The following USH2A variants were observed in gnomAD, a reference collection of about 807,000 sequenced individuals.
USH2A encodes the protein Usher syndrome 2A (autosomal recessive, mild).
USH2A carries 443 observed loss-of-function variants against 538.9 expected under a neutral mutation model. The observed-to-expected ratio is 0.82, with a 90% confidence interval of 0.76 to 0.89. The LOEUF (loss-of-function observed/expected upper bound fraction) is 0.89, where lower values mean the gene tolerates loss of function less well. Among genes scored for constraint, USH2A ranks in the 40% least tolerant of loss-of-function variants. The pLI is 0.00. For missense variants in USH2A, 6,633 were observed against 6,324.8 expected (o/e 1.05, Z -1.65); for synonymous variants, 2,413 against 2,273.5 (o/e 1.06, Z -1.75).
At chr1:216,395,809 ACAGGAAAGC>A (rs2039202294) in intron 3 of USH2A, among the ~76,000 whole-genome samples, 4 of 152,238 alleles carry the variant, frequency 2.6e-5, no homozygotes, top group Admixed American at 2.6e-4. Flanking sequence ...CCTACAATGC[ACAGGAAAGC>A]CAGGCACAAC....
chr1:216,083,405 A>G (rs1283801091), intron 26 of USH2A, 51 bp downstream of exon 26: 7 of 1,576,930 alleles, frequency 4.4e-6, no homozygotes, highest in Non-Finnish European at 6.1e-6. Flanking sequence ...TATTTATTTT[A>G]AAGTTGGGTC....
At position 215,625,144 on chromosome 1, in the gene USH2A, T is replaced by C. The variant is rs1655970105; in HGVS notation, c.*637A>G. On this transcript the variant is annotated 3_prime_UTR_variant, in exon 72 of 72. Coordinates refer to ENST00000307340, the MANE Select transcript of USH2A (RefSeq NM_206933.4). ...AACAGAGACATTTATGTGTAAGTTA[T>C]GTGTTGCCTTGTCAAAAAGTTTGGT... 1 of 152,918 alleles carries C rather than the reference T, an allele frequency of 6.5e-6. No homozygotes were observed. Among genetic ancestry groups the C allele is most frequent in the Non-Finnish European group, 1.5e-5 (1 of 68,542 alleles). The allele number at this position is 152,918 out of a possible 1,614,324, so 9.5% of individuals were successfully genotyped here. A position where few individuals can be genotyped will look rare whatever the true frequency, so the allele number is the denominator to read the frequency against.
At chr1:216,040,544 A>G (rs2030230220) in intron 32 of USH2A, among the ~76,000 whole-genome samples, 1 of 152,018 alleles carries the variant, frequency 6.6e-6, no homozygotes, top group Admixed American at 6.6e-5. Context: ...AAAAACGGCC[A>G]GTTTCTGGTA....
chr1:215,984,692 G>A (rs13374778), intron 35 of USH2A, among the ~76,000 whole-genome samples: 9,099 of 152,220 alleles, frequency 0.06, 906 homozygotes, highest in African/African-American at 0.21. Context: ...CTCTATTTAC[G>A]CTGAAGAATT....
At chr1:215,967,739 G>T (rs1401295156) in intron 36 of USH2A, among the ~76,000 whole-genome samples, 2 of 129,682 alleles carry the variant, frequency 1.5e-5, no homozygotes, top group East Asian at 4.1e-4. Context: ...ACACTTATTT[G>T]CTTCTTTGCA....
chr1:216,408,639 T>C (rs986323615), intron 3 of USH2A, among the ~76,000 whole-genome samples: 7 of 152,186 alleles, frequency 4.6e-5, no homozygotes, highest in East Asian at 1.9e-4. Flanking sequence ...ATTTGTTAAG[T>C]TGAGAGTGTT....
intron 30 of USH2A, among the ~76,000 whole-genome samples, chr1:216,057,983 G>A (rs374656047): frequency 3.9e-5 from 6 of 152,124 alleles, no homozygotes; most frequent in African/African-American, 1.2e-4. Flanking sequence ...TTCTGGCCAC[G>A]CAAGATAACC....
rs576117027 is a variant in USH2A, at chr1:216,119,087, A to T, written c.4628-21874T>A. 3.3e-5 allele frequency among the ~76,000 whole-genome samples: 5 copies of T among 152,368 alleles called. No individual in the cohort carries two copies. The East Asian group carries it at 9.6e-4, about 29-fold the overall frequency. On this transcript the variant is annotated intron_variant, in intron 21 of 71. Coordinates refer to ENST00000307340, the MANE Select transcript of USH2A (RefSeq NM_206933.4). ...AAAAATCACTAAGCTATTACATGGC[A>T]AACACATTCTGTTCCATTTTATTTA...
chr1:216,095,525 C>T (rs1353396977), intron 22 of USH2A, among the ~76,000 whole-genome samples: 1 of 152,092 alleles, frequency 6.6e-6, no homozygotes, highest in East Asian at 1.9e-4. Context: ...GATGCTATTT[C>T]CTTTTGCTTA....
chr1:215,695,040 T>C (rs1405494314), intron 61 of USH2A, among the ~76,000 whole-genome samples: 1 of 152,218 alleles, frequency 6.6e-6, no homozygotes, highest in Non-Finnish European at 1.5e-5. Flanking sequence ...GCAGCAGAGA[T>C]TATTATAATT....
intron 11 of USH2A, among the ~76,000 whole-genome samples, chr1:216,266,730 C>A (rs2036480018): frequency 6.6e-6 from 1 of 151,610 alleles, no homozygotes; most frequent in South Asian, 2.1e-4. Context: ...TGTATGTGTA[C>A]CATATATATG....
At chr1:215,682,073 A>C (rs866653416) in intron 61 of USH2A, among the ~76,000 whole-genome samples, 8 of 152,222 alleles carry the variant, frequency 5.3e-5, no homozygotes, top group African/African-American at 1.2e-4. Context: ...ATTAAATCTG[A>C]AGATGCTACA....
At chr1:215,794,437 C>T (rs755154120) in intron 50 of USH2A, among the ~76,000 whole-genome samples, 6 of 152,060 alleles carry the variant, frequency 3.9e-5, no homozygotes, top group Non-Finnish European at 5.9e-5. Context: ...GATCCAAACA[C>T]TTATGTAGCA....
At chr1:215,646,341 A>C (rs1656851849) in intron 67 of USH2A, among the ~76,000 whole-genome samples, 1 of 151,888 alleles carries the variant, frequency 6.6e-6, no homozygotes, top group Non-Finnish European at 1.5e-5. Flanking sequence ...TAAATTATGC[A>C]GTTGGTTCTG....
Position 216,327,643 on chromosome 1 carries a change from ACTGC to A in USH2A, c.792_795del (p.Glu264AspfsTer71). The A allele has an allele frequency of 6.2e-7, 1 of 1,613,128 alleles. No homozygotes were observed. Among genetic ancestry groups the A allele is most frequent in the Non-Finnish European group, 8.5e-7 (1 of 1,179,458 alleles). ...CGAAAATCTTGCATTCTTCCGACAA[ACTGC>A]TCTAAACCTGCAAATACACACATGT... is the stretch of plus-strand genomic sequence containing the variant. On this transcript the variant is annotated frameshift_variant, in exon 5 of 72. Transcript: ENST00000307340. LOFTEE classifies it high-confidence loss of function.
chr1:216,167,575 G>A (rs1382779479), intron 21 of USH2A, among the ~76,000 whole-genome samples: 1 of 152,074 alleles, frequency 6.6e-6, no homozygotes, highest in Non-Finnish European at 1.5e-5. Context: ...GCAGACTACT[G>A]TACACGTGGA....
At chr1:216,254,663 T>C (rs544000970) in intron 11 of USH2A, among the ~76,000 whole-genome samples, 3 of 152,246 alleles carry the variant, frequency 2.0e-5, no homozygotes, top group Non-Finnish European at 4.4e-5. Context: ...AGAACTGAGG[T>C]GCCCCAGCTA....
At position 215,674,178 on chromosome 1, in the gene USH2A, T is replaced by A. The variant is rs375929101; in HGVS notation, c.13733A>T (p.Lys4578Ile). 1.2e-6 allele frequency: 2 copies of A among 1,614,114 alleles called. No individual in the cohort carries two copies. The highest frequency in any genetic ancestry group is 2.7e-5 in the African/African-American group (2 of 75,010). ...ATGAGTTGTGTTTATGTGTATGATT[T>A]TAGTTTCTCTTTCAAATAGTTCACG... ...FIRELFERETKIIHINTTHNS... is the reference protein window; with the variant it reads ...FIRELFERETIIIHINTTHNS... The change falls in exon 63 of 72, where the codon AAA becomes ATA. Residue 4578 changes from lysine to isoleucine, a missense_variant. Transcript: ENST00000307340.
chr1:215,787,798 C>T (rs1661844150), intron 51 of USH2A, among the ~76,000 whole-genome samples: 1 of 152,060 alleles, frequency 6.6e-6, no homozygotes, highest in Non-Finnish European at 1.5e-5. Flanking sequence ...AATCCCAACA[C>T]TTTGGGAGGC....
Sources: gnomAD v4.1 joint callset for allele counts (sites outside exome capture counted in the v4.1 genomes callset) on GRCh38, gnomAD v4.1.1 for gene constraint, MANE v1.5 for transcripts, NCBI Gene and HGNC (gene_info 2026-07-23, HGNC 2026-07-21) for gene names.